Variants in MCF2 observed in about 807,000 individuals in gnomAD.
The protein encoded by MCF2 is MCF.2 cell line derived transforming sequence, also known as proto-oncogene DBL.
MCF2 carries 44 observed loss-of-function variants against 82.5 expected under a neutral mutation model. The ratio of observed to expected loss-of-function variants is 0.53; its 90% CI spans 0.42 to 0.69. MCF2 has a LOEUF of 0.69. Ranked by LOEUF, MCF2 falls within the 30% of genes least tolerant of loss-of-function variation. MCF2 has a pLI of 0.00. For synonymous variants in MCF2, 217 were observed against 224.9 expected, an observed-to-expected ratio of 0.96 and a Z score of 0.32; for missense variants, 623 against 663.1, an observed-to-expected ratio of 0.94 and a Z score of 0.66.
intron 24 of MCF2, among the ~76,000 whole-genome samples, 183 bp from the exon 29 acceptor site, chrX:139,582,686 A>G (rs1928579817): frequency 8.9e-6 from 1 of 111,829 alleles, no homozygotes. Flanking sequence ...AAGAGAGAGA[A>G]ACTAATAGGT....
chrX:139,607,586 C>A, intron 12 of MCF2, 105 bp downstream of exon 16: 1 of 504,624 alleles, frequency 2.0e-6, no homozygotes. Context: ...CCCAGTAAAA[C>A]CCCATTCTGT....
chrX:139,686,938 T>G (rs181812361), intron 1 of MCF2, among the ~76,000 whole-genome samples: 164 of 111,640 alleles, frequency 1.5e-3, no homozygotes, highest in Non-Finnish European at 2.9e-3. Flanking sequence ...AACCTTCCAA[T>G]GGCTCATCAT....
Position 139,585,132 on chromosome X carries a change from C to T in MCF2, c.2679G>A (p.Ala893=), listed in dbSNP as rs140144254. The T allele has an allele frequency of 3.1e-5, 37 of 1,203,549 alleles. 1 individual carries two copies. In the South Asian group the frequency reaches 3.2e-4, roughly 11 times the overall value. ...GGTAGAAATAGTTGCTTGACCATTC[C>T]GCAGGTTCTTCAGAGATTTCTGCAG... The change falls in exon 24 of 25, where the codon GCG becomes GCA. Residue 893 remains alanine (A), a synonymous_variant. Transcript: ENST00000370576.
At chrX:139,591,865 G>A (rs1485384187) in intron 19 of MCF2, among the ~76,000 whole-genome samples, 1 of 109,133 alleles carries the variant, frequency 9.2e-6, no homozygotes, top group African/African-American at 3.4e-5. Flanking sequence ...TAACAAACCT[G>A]CAGATGTACC....
intron 1 of MCF2, among the ~76,000 whole-genome samples, chrX:139,664,320 C>CAA (rs58144695): frequency 0.051 from 4,695 of 92,845 alleles, 287 homozygotes; most frequent in African/African-American, 0.17. Flanking sequence ...AAACAAAAAA[C>CAA]AAAAAAAAAA....
chrX:139,654,560 T>A (rs752885469), intron 1 of MCF2, among the ~76,000 whole-genome samples: 19 of 112,200 alleles, frequency 1.7e-4, no homozygotes, highest in Non-Finnish European at 2.3e-4. Flanking sequence ...GTCAAATGGA[T>A]AGTTTGCGAA....
At chrX:139,677,340 C>A (rs769787159) in intron 1 of MCF2, among the ~76,000 whole-genome samples, 1 of 111,179 alleles carries the variant, frequency 9.0e-6, no homozygotes, top group Non-Finnish European at 1.9e-5. Context: ...TCTCTCAAGT[C>A]GCCCACCCGA....
At chrX:139,703,053 T>G (rs1159536194) in intron 1 of MCF2, among the ~76,000 whole-genome samples, 1 of 112,210 alleles carries the variant, frequency 8.9e-6, no homozygotes, top group African/African-American at 3.2e-5. Context: ...TGGGGACCAC[T>G]GCGGCAAATT....
intron 13 of MCF2, among the ~76,000 whole-genome samples, chrX:139,605,222 A>G: frequency 9.2e-6 from 1 of 108,567 alleles, no homozygotes; most frequent in African/African-American, 3.4e-5. Flanking sequence ...TCAAATAGGC[A>G]GAATAAAGTA....
intron 1 of MCF2, among the ~76,000 whole-genome samples, chrX:139,676,883 C>T (rs970468063): frequency 9.0e-6 from 1 of 111,694 alleles, no homozygotes; most frequent in African/African-American, 3.3e-5. Flanking sequence ...GGGACACCTT[C>T]CCACCAGGAA....
intron 1 of MCF2, among the ~76,000 whole-genome samples, chrX:139,653,356 A>C (rs1193958894): frequency 8.9e-6 from 1 of 112,350 alleles, no homozygotes; most frequent in Non-Finnish European, 1.9e-5. Flanking sequence ...ATATTCCTAC[A>C]TAATAGGAGA....
At chrX:139,671,185 T>C (rs1228826840) in intron 1 of MCF2, among the ~76,000 whole-genome samples, 4 of 112,158 alleles carry the variant, frequency 3.6e-5, no homozygotes, top group Non-Finnish European at 7.5e-5. Context: ...GTAAATTTGT[T>C]TAAGTTATTT....
chrX:139,649,755 T>C (rs1448396210), intron 2 of MCF2, among the ~76,000 whole-genome samples: 2 of 111,882 alleles, frequency 1.8e-5, no homozygotes, highest in African/African-American at 6.5e-5. Flanking sequence ...AGAAGCATTT[T>C]TAAAACAAAT....
intron 22 of MCF2, among the ~76,000 whole-genome samples, chrX:139,587,320 C>T (rs1231837407): frequency 9.0e-6 from 1 of 110,660 alleles, no homozygotes; most frequent in African/African-American, 3.3e-5. Flanking sequence ...CATCAAGGGA[C>T]TGTAAAACTG....
At chrX:139,595,347 A>C (rs1929964950) in intron 19 of MCF2, among the ~76,000 whole-genome samples, 1 of 110,064 alleles carries the variant, frequency 9.1e-6, no homozygotes, top group Non-Finnish European at 1.9e-5. Context: ...ACAATGATAG[A>C]CTGGATTAAG....
intron 1 of MCF2, among the ~76,000 whole-genome samples, chrX:139,701,021 T>C (rs1935483398): frequency 2.7e-5 from 3 of 111,468 alleles, no homozygotes; most frequent in Non-Finnish European, 5.7e-5. Flanking sequence ...GATCCACTCA[T>C]TATCGAAGGA....
intron 2 of MCF2, among the ~76,000 whole-genome samples, chrX:139,649,345 A>G (rs989915481): frequency 1.8e-5 from 2 of 112,098 alleles, no homozygotes; most frequent in African/African-American, 6.5e-5. Flanking sequence ...AAACTGTACA[A>G]TTCTGAACCA....
chrX:139,700,464 A>C (rs1935468484), intron 1 of MCF2, among the ~76,000 whole-genome samples: 1 of 112,171 alleles, frequency 8.9e-6, no homozygotes, highest in Admixed American at 9.4e-5. Flanking sequence ...CCATTTTAAT[A>C]GAATATTGAT....
intron 1 of MCF2, among the ~76,000 whole-genome samples, chrX:139,684,535 A>G (rs1349053530): frequency 1.8e-5 from 2 of 112,406 alleles, no homozygotes; most frequent in African/African-American, 3.2e-5. Flanking sequence ...AAGAATGTTC[A>G]TAACAACATT....
Sources: allele counts gnomAD v4.1 joint callset (sites outside exome capture counted in the v4.1 genomes callset), GRCh38; gene constraint gnomAD v4.1.1; transcripts MANE v1.5; gene names NCBI Gene and HGNC (gene_info 2026-07-23, HGNC 2026-07-21).